The following CFDP1 variants were observed in gnomAD, a reference collection of about 807,000 sequenced individuals.
CFDP1 encodes chromatin remodeling protein CFDP1.
CFDP1 carries 31 observed loss-of-function variants against 40.1 expected under a neutral mutation model. The observed-to-expected ratio is 0.77, with a 90% CI of 0.58 to 1.04. The LOEUF (loss-of-function observed/expected upper bound fraction) is 1.04. Among genes scored for constraint, CFDP1 ranks in the 50% least tolerant of loss-of-function variants. The pLI, the probability that CFDP1 is intolerant of heterozygous loss-of-function variation, is 0.00. For missense variants in CFDP1, 423 were observed against 343.4 expected, an observed-to-expected ratio of 1.23 and a Z score of -1.83; for synonymous variants, 167 against 120.0, an observed-to-expected ratio of 1.39 and a Z score of -2.56.
At chr16:75,388,625 T>C (rs1284567636) in intron 5 of CFDP1, among the ~76,000 whole-genome samples, 4 of 152,210 alleles carry the variant, frequency 2.6e-5, no homozygotes, top group African/African-American at 9.7e-5. Context: ...TCCAGATTTT[T>C]ATGTCAACTT....
At chr16:75,432,233 C>A (rs2151611217) in intron 1 of CFDP1, among the ~76,000 whole-genome samples, 1 of 150,022 alleles carries the variant, frequency 6.7e-6, no homozygotes, top group Admixed American at 6.6e-5. Context: ...TTTCAACGTG[C>A]CTTTTAGAAA....
At chr16:75,330,531 G>A (rs574721917) in intron 5 of CFDP1, among the ~76,000 whole-genome samples, 1 of 152,372 alleles carries the variant, frequency 6.6e-6, no homozygotes, top group East Asian at 1.9e-4. Flanking sequence ...GCAGGTTGCA[G>A]TGAGCCAAGA....
chr16:75,398,274 G>A (rs1235428507), intron 4 of CFDP1, among the ~76,000 whole-genome samples: 2 of 152,218 alleles, frequency 1.3e-5, no homozygotes, highest in African/African-American at 2.4e-5. Context: ...ACTTATTCAA[G>A]GCTATCCTGA....
At chr16:75,359,477 A>G (rs910486241) in intron 5 of CFDP1, among the ~76,000 whole-genome samples, 2 of 152,214 alleles carry the variant, frequency 1.3e-5, no homozygotes, top group African/African-American at 4.8e-5. Context: ...ATTTTTAGCT[A>G]GTCTATTCAA....
chr16:75,326,201 G>A (rs1196593412), intron 5 of CFDP1, among the ~76,000 whole-genome samples: 1 of 152,160 alleles, frequency 6.6e-6, no homozygotes, highest in Non-Finnish European at 1.5e-5. Context: ...TGTGCCAAAT[G>A]AGTTTTTCCC....
rs1041036483 is a variant in CFDP1, at chr16:75,408,506, G to A, written c.530+3319C>T. On this transcript the variant is annotated intron_variant, in intron 4 of 6. Transcript: ENST00000283882. ...TATTAATATAAACAGTGGGCCAGGT[G>A]CAGTGGCTCACACTGTAATTGCAGC... is the stretch of plus-strand genomic sequence containing the variant. Among the ~76,000 whole-genome samples the A allele has an allele frequency of 2.6e-5, 4 of 152,096 alleles. No homozygotes were observed. In the South Asian group the frequency reaches 8.3e-4, roughly 31 times the overall value.
At chr16:75,389,860 C>T (rs941275749) in intron 5 of CFDP1, among the ~76,000 whole-genome samples, 2 of 152,174 alleles carry the variant, frequency 1.3e-5, no homozygotes, top group African/African-American at 4.8e-5. Flanking sequence ...CTCTTGGACC[C>T]GTCTTTTCCC....
chr16:75,360,540 A>T (rs563068922), intron 5 of CFDP1, among the ~76,000 whole-genome samples: 11 of 152,374 alleles, frequency 7.2e-5, no homozygotes, highest in East Asian at 1.9e-4. Context: ...CCCTCTTCTT[A>T]TATCGCATTA....
In CFDP1 at chr16:75,433,133, G is replaced by A. The variant is rs558012944; in HGVS notation, c.64+156C>T. On this transcript the variant is annotated intron_variant, in intron 1 of 6. Transcript: ENST00000283882. ...ACGCGCACACGCCTCGGGCCGGAGCGGCCGAGGATGAGGGGCCTGAGGGAG... is the reference window on the plus strand; with the variant it reads ...ACGCGCACACGCCTCGGGCCGGAGCAGCCGAGGATGAGGGGCCTGAGGGAG... 2.3e-4 allele frequency among the ~76,000 whole-genome samples: 35 copies of A among 152,278 alleles called. No individual in the cohort carries two copies. The East Asian group carries it at 5.8e-3, about 25-fold the overall frequency.
At chr16:75,390,752 T>A (rs927065187) in intron 5 of CFDP1, among the ~76,000 whole-genome samples, 2 of 152,228 alleles carry the variant, frequency 1.3e-5, no homozygotes, top group African/African-American at 4.8e-5. Flanking sequence ...AGTCCATCAC[T>A]TAACAGAAGG....
chr16:75,359,369 A>G (rs2078666992), intron 5 of CFDP1, among the ~76,000 whole-genome samples: 1 of 152,206 alleles, frequency 6.6e-6, no homozygotes, highest in South Asian at 2.1e-4. Context: ...AGGAAAAGAA[A>G]GCCAGATTCT....
At chr16:75,374,660 A>T (rs2078778452) in intron 5 of CFDP1, among the ~76,000 whole-genome samples, 1 of 152,110 alleles carries the variant, frequency 6.6e-6, no homozygotes. Flanking sequence ...CTTAAAAAAA[A>T]AACACACAGA....
intron 1 of CFDP1, among the ~76,000 whole-genome samples, chr16:75,421,672 T>A (rs752994013): frequency 1.3e-5 from 2 of 152,196 alleles, no homozygotes; most frequent in Non-Finnish European, 2.9e-5. Flanking sequence ...AAAATCACCC[T>A]GGAAGAAACA....
chr16:75,425,280 A>C (rs1156587340), intron 1 of CFDP1, among the ~76,000 whole-genome samples: 2 of 151,164 alleles, frequency 1.3e-5, no homozygotes, highest in East Asian at 2.0e-4. Context: ...CCAGCTACAC[A>C]GGAGGCTGAG....
intron 5 of CFDP1, among the ~76,000 whole-genome samples, chr16:75,376,221 A>G (rs2078794838): frequency 6.6e-6 from 1 of 152,194 alleles, no homozygotes; most frequent in Non-Finnish European, 1.5e-5. Context: ...AGAAAAACCA[A>G]ATCAAAACCA....
At chr16:75,318,076 G>A (rs1217545598) in intron 5 of CFDP1, among the ~76,000 whole-genome samples, 2 of 151,910 alleles carry the variant, frequency 1.3e-5, no homozygotes, top group East Asian at 3.9e-4. Flanking sequence ...TGCCGAGATC[G>A]CGCCACTGCA....
chr16:75,335,939 G>T (rs575231711), intron 5 of CFDP1, among the ~76,000 whole-genome samples: 2 of 152,152 alleles, frequency 1.3e-5, no homozygotes, highest in South Asian at 4.2e-4. Flanking sequence ...ATATAGTAGC[G>T]GTTCGACCTA....
At chr16:75,344,671 C>T (rs1281800082) in intron 5 of CFDP1, among the ~76,000 whole-genome samples, 3 of 152,212 alleles carry the variant, frequency 2.0e-5, no homozygotes, top group Non-Finnish European at 4.4e-5. Flanking sequence ...CAGTGGCTCA[C>T]ACCTGTAATC....
chr16:75,414,134 G>T (rs1303746971), intron 2 of CFDP1, among the ~76,000 whole-genome samples: 2 of 151,956 alleles, frequency 1.3e-5, no homozygotes, highest in Non-Finnish European at 2.9e-5. Flanking sequence ...ATACTGCCAT[G>T]GTACTATCTC....
Sources: gnomAD v4.1 joint callset for allele counts (sites outside exome capture counted in the v4.1 genomes callset) on GRCh38, gnomAD v4.1.1 for gene constraint, MANE v1.5 for transcripts, NCBI Gene and HGNC (gene_info 2026-07-23, HGNC 2026-07-21) for gene names.